The following TRIO variants were observed in gnomAD, a reference collection of about 807,000 sequenced individuals.
TRIO encodes the protein trio Rho guanine nucleotide exchange factor.
In TRIO, 58 loss-of-function variants were observed where a neutral mutation model predicts 351.9. That is an observed-to-expected ratio of 0.16 (90% CI 0.13 to 0.21). TRIO has a LOEUF of 0.21. Among genes scored for constraint, TRIO ranks in the 10% least tolerant of loss-of-function variants. The pLI is 1.00. For missense variants in TRIO, 3,201 were observed against 4,027.8 expected (o/e 0.79, Z 5.56); for synonymous variants, 1,758 against 1,595.7 (o/e 1.10, Z -2.42).
chr5:14,264,003 G>A lies in TRIO; in HGVS notation c.158-6822G>A, dbSNP rs1020542335. Among the ~76,000 whole-genome samples the A allele has an allele frequency of 2.8e-4, 42 of 152,286 alleles. No homozygotes were observed. The Middle Eastern group carries it at 0.01, about 37-fold the overall frequency. On this transcript the variant is annotated intron_variant, in intron 1 of 56. Coordinates refer to ENST00000344204, the MANE Select transcript of TRIO (RefSeq NM_007118.4). ...TCTTTTTTGACTTATGAGACTGTAA[G>A]AAATAGAGTCCCTTTATAATACTAC... is the stretch of plus-strand genomic sequence containing the variant.
At chr5:14,333,081 G>C (rs755213561) in intron 10 of TRIO, among the ~76,000 whole-genome samples, 20 of 152,122 alleles carry the variant, frequency 1.3e-4, no homozygotes, top group Non-Finnish European at 2.2e-4. Flanking sequence ...ATGAGACTTG[G>C]CTCTTCCTGC....
At chr5:14,149,008 A>G (rs1267965841) in intron 1 of TRIO, among the ~76,000 whole-genome samples, 3 of 152,224 alleles carry the variant, frequency 2.0e-5, no homozygotes, top group Non-Finnish European at 4.4e-5. Context: ...GAGACTTCCC[A>G]GTGACCCTTG....
At chr5:14,490,396 A>G (rs529222744) in intron 48 of TRIO, among the ~76,000 whole-genome samples, 45 of 152,366 alleles carry the variant, frequency 3.0e-4, no homozygotes, top group Non-Finnish European at 3.8e-4. Flanking sequence ...TGCCCAGCCC[A>G]CAGCCCGGCT....
At chr5:14,235,461 TTTCTAA>T (rs746421304) in intron 1 of TRIO, among the ~76,000 whole-genome samples, 2 of 152,226 alleles carry the variant, frequency 1.3e-5, no homozygotes, top group Non-Finnish European at 2.9e-5. Context: ...GAGTCTCTGG[TTTCTAA>T]AGTGTAGACA....
At chr5:14,320,897 C>T (rs980596464) in intron 9 of TRIO, among the ~76,000 whole-genome samples, 13 of 152,166 alleles carry the variant, frequency 8.5e-5, no homozygotes, top group African/African-American at 3.1e-4. Context: ...TTTGAATCCT[C>T]CTTGTCAAGG....
At chr5:14,318,399 G>A (rs1234643243) in intron 9 of TRIO, among the ~76,000 whole-genome samples, 2 of 143,048 alleles carry the variant, frequency 1.4e-5, no homozygotes, top group Non-Finnish European at 1.5e-5. Flanking sequence ...AGGTTGCAGT[G>A]AACCAAGATC....
intron 32 of TRIO, 124 bp from the exon 33 acceptor site, chr5:14,406,449 C>A: frequency 1.1e-6 from 1 of 872,104 alleles, no homozygotes; most frequent in Non-Finnish European, 1.9e-6. Context: ...TAACCATTGT[C>A]CGCATCCTGG....
intron 34 of TRIO, among the ~76,000 whole-genome samples, chr5:14,421,793 C>T (rs1312767272): frequency 6.6e-6 from 1 of 152,076 alleles, no homozygotes; most frequent in East Asian, 1.9e-4. Context: ...TGACCAGAAT[C>T]TCTGTCTAGG....
chr5:14,369,460 T>G lies in TRIO; in HGVS notation c.3153T>G (p.Ser1051=), dbSNP rs1048741938. The part of the protein sequence containing the change: ...CGGADKLGPN[S]ETDHVTPMIS... ...GGGCGGATAAGCTGGGCCCAAACTC[T>G]GAGACGGACCACGTGACGCCCATGA... is the stretch of plus-strand genomic sequence containing the variant. The change falls in exon 18 of 57, where the codon TCT becomes TCG. Residue 1051 remains serine, a synonymous_variant. Transcript: ENST00000344204. 1 of 1,614,134 alleles carries G rather than the reference T, an allele frequency of 6.2e-7. No individual in the cohort carries two copies. Among genetic ancestry groups the G allele is most frequent in the African/African-American group, 1.3e-5 (1 of 75,058 alleles).
intron 46 of TRIO, among the ~76,000 whole-genome samples, chr5:14,483,330 G>A (rs1755671156): frequency 6.6e-6 from 1 of 152,238 alleles, no homozygotes; most frequent in Non-Finnish European, 1.5e-5. Context: ...GTGAGGTAGA[G>A]AAGAGCAGAG....
intron 1 of TRIO, among the ~76,000 whole-genome samples, chr5:14,218,049 T>C (rs758202758): frequency 1.3e-5 from 2 of 152,242 alleles, no homozygotes; most frequent in Non-Finnish European, 2.9e-5. Context: ...AGTATAACTA[T>C]AGTTCATGTG....
chr5:14,247,355 T>C (rs1395732729), intron 1 of TRIO, among the ~76,000 whole-genome samples: 1 of 152,272 alleles, frequency 6.6e-6, no homozygotes, highest in Admixed American at 6.5e-5. Context: ...CATGTTAATA[T>C]GCATTTCAGT....
In TRIO at chr5:14,359,387, C is replaced by G; in HGVS notation, c.2247C>G (p.Pro749=). ...CTGCCATCTCCAGTAACAAGACCCCCCACAACAGCTCCATCAACCACATTG... is the reference window on the plus strand; with the variant it reads ...CTGCCATCTCCAGTAACAAGACCCCGCACAACAGCTCCATCAACCACATTG... ...RDSAISSNKT[P]HNSSINHIET... is the part of the protein sequence containing the mutation. Residue 749 remains proline, a synonymous_variant, in exon 13 of 57, where the codon CCC becomes CCG. Coordinates refer to ENST00000344204, the MANE Select transcript of TRIO (RefSeq NM_007118.4). 6.2e-7 allele frequency: 1 copy of G among 1,614,184 alleles called. No individual in the cohort carries two copies. Among genetic ancestry groups the G allele is most frequent in the South Asian group, 1.1e-5 (1 of 91,086 alleles).
intron 37 of TRIO, among the ~76,000 whole-genome samples, chr5:14,467,364 A>G (rs80196746): frequency 6.0e-4 from 92 of 152,338 alleles, no homozygotes; most frequent in Admixed American, 1.8e-3. Flanking sequence ...AATGGGAATT[A>G]TATAAAGAAA....
chr5:14,504,639 C>T lies in TRIO; in HGVS notation c.8612+46C>T, dbSNP rs202053657. On this transcript the variant is annotated intron_variant, in intron 55 of 56. Transcript: ENST00000344204. ...CCCTCTGCCCAGCCCTCTGCCTCCA[C>T]CTCAGGGGGTTTTGTTGTTCCTGTT... 4.4e-6 allele frequency: 7 copies of T among 1,590,908 alleles called. No homozygotes were observed. In the Admixed American group the frequency reaches 1.2e-4, roughly 28 times the overall value.
chr5:14,387,237 C>T (rs537436204), intron 21 of TRIO: 21 of 491,026 alleles, frequency 4.3e-5, no homozygotes, highest in Middle Eastern at 4.8e-4. Flanking sequence ...AAATGCCATT[C>T]GTTGTAGCAG....
At chr5:14,446,691 G>A (rs903707601) in intron 34 of TRIO, among the ~76,000 whole-genome samples, 3 of 152,154 alleles carry the variant, frequency 2.0e-5, no homozygotes, top group African/African-American at 2.4e-5. Flanking sequence ...TAGTTGAGCA[G>A]CATTTTCCTT....
At chr5:14,489,877 G>A (rs1458779035) in intron 48 of TRIO, among the ~76,000 whole-genome samples, 1 of 152,202 alleles carries the variant, frequency 6.6e-6, no homozygotes, top group African/African-American at 2.4e-5. Context: ...ATGTGGCAGG[G>A]AACCTGGAAA....
chr5:14,291,380 G>GA, intron 5 of TRIO, 152 bp downstream of exon 5: 1 of 889,006 alleles, frequency 1.1e-6, no homozygotes, highest in Non-Finnish European at 1.7e-6. Context: ...AAATGGCACT[G>GA]AAATCTGTTT....
Sources: gnomAD v4.1 joint callset for allele counts (sites outside exome capture counted in the v4.1 genomes callset) on GRCh38, gnomAD v4.1.1 for gene constraint, MANE v1.5 for transcripts, NCBI Gene and HGNC (gene_info 2026-07-23, HGNC 2026-07-21) for gene names.